METAP1: variants seen among roughly 807,000 people sequenced by gnomAD.
METAP1 encodes methionyl aminopeptidase 1.
A neutral mutation model predicts 53.8 loss-of-function variants in METAP1; 28 were observed. That is an observed-to-expected ratio of 0.52 (90% CI 0.39 to 0.71). The LOEUF is 0.71. METAP1 is among the 30% of genes least tolerant of loss of function. The pLI is 0.00. For synonymous variants in METAP1, 181 were observed against 165.7 expected (o/e 1.09, Z -0.71); for missense variants, 389 against 479.8 (o/e 0.81, Z 1.77).
At chr4:99,022,374 C>G (rs1724181481) in intron 1 of METAP1, 13 of 887,428 alleles carry the variant, frequency 1.5e-5, no homozygotes, top group Non-Finnish European at 1.9e-5. Context: ...CTCCAAAGAT[C>G]CTGGCCAGGA....
Position 98,995,788 on chromosome 4 carries a change from A to C in METAP1, c.35A>C (p.Asp12Ala). The stretch of plus-strand genomic sequence containing the variant: ...GTGGAGACGCGGGTGTGCGAGACAG[A>C]CGGCTGCAGCAGTGAGGCCAAGCTC... ...AAVETRVCETDGCSSEAKLQC... is the reference protein window; with the variant it reads ...AAVETRVCETAGCSSEAKLQC... Residue 12 changes from aspartate to alanine, a missense_variant, in exon 1 of 11, where the codon GAC becomes GCC. Transcript: ENST00000296411. The C allele has an allele frequency of 6.5e-7, 1 of 1,546,314 alleles. No individual in the cohort carries two copies. Among genetic ancestry groups the C allele is most frequent in the Non-Finnish European group, 8.7e-7 (1 of 1,144,600 alleles).
intron 1 of METAP1, among the ~76,000 whole-genome samples, chr4:99,009,221 AG>A (rs1723345719): frequency 6.6e-6 from 1 of 152,232 alleles, no homozygotes; most frequent in Admixed American, 6.5e-5. Context: ...AAGGCTGCAT[AG>A]TATTTCATTT....
In METAP1 at chr4:99,023,089, G is replaced by A. The variant is rs559455733; in HGVS notation, c.115-5778G>A. The A allele has an allele frequency of 2.2e-5, 27 of 1,228,754 alleles. No homozygotes were observed. In the East Asian group the frequency reaches 3.0e-4, roughly 14 times the overall value. 76.1% of individuals were successfully genotyped at this position (1,228,754 alleles called of 1,614,324 possible). ...TAGTGTCTGGTCTGTCCCTTCCAGC[G>A]CCTTTGCTCTGTTGCGGCCTTCTCC... On this transcript the variant is annotated intron_variant, in intron 1 of 10. Transcript: ENST00000296411.
chr4:99,001,593 T>C (rs1431563871), intron 1 of METAP1, among the ~76,000 whole-genome samples: 2 of 152,258 alleles, frequency 1.3e-5, no homozygotes, highest in Admixed American at 6.5e-5. Flanking sequence ...ATGTCATGGC[T>C]ACATTTACAT....
intron 7 of METAP1, 137 bp from the exon 8 acceptor site, chr4:99,045,038 ACTAT>A (rs1351826764): frequency 1.5e-5 from 12 of 782,146 alleles, no homozygotes; most frequent in East Asian, 5.8e-5. Context: ...TTGGGCAATA[ACTAT>A]CTATCCATTG....
intron 1 of METAP1, among the ~76,000 whole-genome samples, chr4:99,013,409 C>T (rs751344106): frequency 6.6e-6 from 1 of 152,116 alleles, no homozygotes; most frequent in Non-Finnish European, 1.5e-5. Flanking sequence ...GCATTATTCC[C>T]CTAGTTGGAA....
chr4:99,053,960 C>CT (rs1726911864), intron 9 of METAP1, among the ~76,000 whole-genome samples: 1 of 148,910 alleles, frequency 6.7e-6, no homozygotes, highest in Admixed American at 6.6e-5. Flanking sequence ...GAGGTGCTGT[C>CT]ATCCAGGCTT....
intron 1 of METAP1, among the ~76,000 whole-genome samples, chr4:99,021,483 C>CA (rs1724104541): frequency 6.6e-6 from 1 of 152,144 alleles, no homozygotes; most frequent in Non-Finnish European, 1.5e-5. Flanking sequence ...GGAGGGGAAA[C>CA]AGTGTCCCCA....
chr4:99,023,554 A>C, intron 1 of METAP1: 1 of 985,388 alleles, frequency 1.0e-6, no homozygotes. Flanking sequence ...GATGGTGGAA[A>C]AGAGAGAGAG....
At chr4:99,035,364 C>T (rs780773745) in intron 3 of METAP1, 36 bp from the exon 4 acceptor site, 29 of 1,452,876 alleles carry the variant, frequency 2.0e-5, no homozygotes, top group Non-Finnish European at 2.6e-5. Context: ...ATTTATTTTT[C>T]GTTGGTAAAT....
chr4:99,046,275 G>GGCC (rs1483005186), intron 8 of METAP1, among the ~76,000 whole-genome samples: 1 of 152,056 alleles, frequency 6.6e-6, no homozygotes, highest in African/African-American at 2.4e-5. Flanking sequence ...TTAGCCAGGT[G>GGCC]TGGTGGCGGG....
intron 1 of METAP1, among the ~76,000 whole-genome samples, chr4:99,004,776 G>T (rs887957024): frequency 6.6e-6 from 1 of 152,008 alleles, no homozygotes; most frequent in South Asian, 2.1e-4. Flanking sequence ...ATGATTACAT[G>T]TATTCTTTTA....
At chr4:99,035,653 A>C (rs1488965451) in intron 4 of METAP1, among the ~76,000 whole-genome samples, 193 bp downstream of exon 4, 2 of 152,152 alleles carry the variant, frequency 1.3e-5, no homozygotes, top group Non-Finnish European at 2.9e-5. Flanking sequence ...CTCTGAAAAC[A>C]CTATGTAGCT....
At chr4:99,056,560 TTTTG>T (rs1408110345) in intron 9 of METAP1, among the ~76,000 whole-genome samples, 1 of 152,080 alleles carries the variant, frequency 6.6e-6, no homozygotes, top group Non-Finnish European at 1.5e-5. Context: ...TTTTTGTTTT[TTTTG>T]TTTGCTTGTT....
intron 4 of METAP1, among the ~76,000 whole-genome samples, chr4:99,038,635 T>G (rs1387601565): frequency 6.6e-6 from 1 of 152,106 alleles, no homozygotes; most frequent in Non-Finnish European, 1.5e-5. Context: ...TTTTGTTAGA[T>G]TTTGAGTTAA....
At chr4:99,021,775 G>A (rs1724127039) in intron 1 of METAP1, among the ~76,000 whole-genome samples, 1 of 152,096 alleles carries the variant, frequency 6.6e-6, no homozygotes, top group Admixed American at 6.6e-5. Flanking sequence ...TCCTAAATAG[G>A]AAGAAGGGAA....
chr4:99,039,519 A>G, intron 5 of METAP1, 54 bp downstream of exon 5: 1 of 1,050,702 alleles, frequency 9.5e-7, no homozygotes, highest in Non-Finnish European at 1.5e-6. Context: ...GTACTTAGAC[A>G]TGAAGTCAGT....
intron 1 of METAP1, among the ~76,000 whole-genome samples, chr4:99,014,441 C>T (rs1411025831): frequency 1.3e-5 from 2 of 152,228 alleles, no homozygotes; most frequent in African/African-American, 4.8e-5. Flanking sequence ...CCCCTGACCA[C>T]TTTGGTGTAG....
At chr4:99,002,483 T>C (rs1722969706) in intron 1 of METAP1, among the ~76,000 whole-genome samples, 1 of 152,228 alleles carries the variant, frequency 6.6e-6, no homozygotes, top group Non-Finnish European at 1.5e-5. Flanking sequence ...TCAACAATTA[T>C]AAGTCTTTTC....
Sources: allele counts gnomAD v4.1 joint callset (sites outside exome capture counted in the v4.1 genomes callset), GRCh38; gene constraint gnomAD v4.1.1; transcripts MANE v1.5; gene names NCBI Gene and HGNC (gene_info 2026-07-23, HGNC 2026-07-21).